TPP2: variants seen among roughly 807,000 people sequenced by gnomAD.
TPP2 encodes the protein tripeptidyl-peptidase 2.
In TPP2, 34 loss-of-function variants were observed where a neutral mutation model predicts 155.9. That is an observed-to-expected ratio of 0.22 (90% CI 0.17 to 0.29). TPP2 has a LOEUF of 0.29. Among genes scored for constraint, TPP2 ranks in the 10% least tolerant of loss-of-function variants. The pLI, the probability that TPP2 is intolerant of heterozygous loss-of-function variation, is 1.00. For missense variants in TPP2, 1,028 were observed against 1,522.3 expected (o/e 0.68, Z 5.40); for synonymous variants, 510 against 529.4 (o/e 0.96, Z 0.50).
chr13:102,616,301 A>G (rs1053369942), intron 3 of TPP2, 95 bp from the exon 4 acceptor site: 3 of 1,018,796 alleles, frequency 2.9e-6, no homozygotes, highest in Admixed American at 2.4e-5. Flanking sequence ...GTGTAGTATC[A>G]CAACTGTACC....
intron 25 of TPP2, 69 bp from the exon 26 acceptor site, chr13:102,663,579 A>G: frequency 1.8e-6 from 2 of 1,101,250 alleles, no homozygotes; most frequent in South Asian, 1.8e-5. Flanking sequence ...ACAATGTTAA[A>G]TAATAGAGAA....
At chr13:102,623,657 A>G (rs1175736973) in intron 6 of TPP2, among the ~76,000 whole-genome samples, 2 of 152,250 alleles carry the variant, frequency 1.3e-5, no homozygotes, top group Admixed American at 1.3e-4. Flanking sequence ...ACAGAGAATC[A>G]GATAAAAGAA....
At chr13:102,624,075 G>A (rs1881373779) in intron 6 of TPP2, among the ~76,000 whole-genome samples, 1 of 152,186 alleles carries the variant, frequency 6.6e-6, no homozygotes, top group East Asian at 1.9e-4. Flanking sequence ...AATGCTGTGT[G>A]TATAAACCCC....
intron 25 of TPP2, among the ~76,000 whole-genome samples, chr13:102,661,287 G>C (rs1466561598): frequency 8.0e-6 from 1 of 125,702 alleles, no homozygotes; most frequent in Admixed American, 9.2e-5. Context: ...GTCTCTCTCT[G>C]TCACCCAGGC....
intron 4 of TPP2, among the ~76,000 whole-genome samples, chr13:102,618,415 G>A (rs74112117): frequency 0.15 from 22,785 of 152,158 alleles, 2,048 homozygotes; most frequent in African/African-American, 0.25. Flanking sequence ...TATGTAACAA[G>A]CATATCTTGG....
rs980232773 is a variant in TPP2 at position 102,627,054 on chromosome 13, T to A, written c.827T>A (p.Phe276Tyr). The change falls in exon 7 of 30, where the codon TTT becomes TAT. Residue 276 changes from phenylalanine (F) to tyrosine (Y), a missense_variant. Phe to Tyr is a conservative substitution (Grantham distance 22, BLOSUM62 3). This residue lies in a region of TPP2 where 300 missense variants were observed against 398.3 expected (regional missense o/e 0.75). Transcript: ENST00000376052. ...GTAGCTAGTATAGCTGCTGGACACT[T>A]TCCAGAAGAACCTGAACGGAATGGG... ...THVASIAAGH[F>Y]PEEPERNGVA... The A allele has an allele frequency of 1.3e-5, 20 of 1,598,562 alleles. No individual in the cohort carries two copies. Among genetic ancestry groups the A allele is most frequent in the Non-Finnish European group, 1.6e-5 (19 of 1,172,488 alleles).
At chr13:102,623,074 A>T in intron 6 of TPP2, 34 bp downstream of exon 6, 1 of 1,589,358 alleles carries the variant, frequency 6.3e-7, no homozygotes, top group Non-Finnish European at 8.6e-7. Flanking sequence ...TGAGATATAG[A>T]TTTATGAGGT....
intron 12 of TPP2, among the ~76,000 whole-genome samples, 165 bp downstream of exon 12, chr13:102,635,867 GT>G (rs1882342071): frequency 6.6e-6 from 1 of 152,168 alleles, no homozygotes; most frequent in Admixed American, 6.5e-5. Context: ...AAATTTTGTA[GT>G]TAAGACAAAT....
Position 102,657,417 on chromosome 13 carries a change from T to G in TPP2, c.3143+210T>G, listed in dbSNP as rs542873707. Among the ~76,000 whole-genome samples, 3 of 151,916 alleles carry G rather than the reference T, an allele frequency of 2.0e-5. No individual in the cohort carries two copies. The East Asian group carries it at 5.8e-4, about 29-fold the overall frequency. ...ATTTTGTGATTAAATGTTTTAATTTTTATTTTAATCACTCTAATTTGTTCT... is the reference window on the plus strand; with the variant it reads ...ATTTTGTGATTAAATGTTTTAATTTGTATTTTAATCACTCTAATTTGTTCT... On this transcript the variant is annotated intron_variant, in intron 25 of 29. Transcript: ENST00000376052.
intron 12 of TPP2, among the ~76,000 whole-genome samples, chr13:102,635,918 A>G (rs934016399): frequency 6.6e-6 from 1 of 152,200 alleles, no homozygotes. Flanking sequence ...GATGGAGGCC[A>G]TGTAGAGGTT....
chr13:102,671,554 G>A (rs552343775), intron 27 of TPP2, among the ~76,000 whole-genome samples: 7 of 152,146 alleles, frequency 4.6e-5, no homozygotes, highest in African/African-American at 1.2e-4. Context: ...TAGCGGCTCC[G>A]TTTTCTTTAA....
chr13:102,597,030 C>T lies in TPP2; in HGVS notation c.-9C>T, dbSNP rs771680162. On this transcript the variant is annotated 5_prime_UTR_variant, in exon 1 of 30. Transcript: ENST00000376052. ...AGTTTGCCGCTTCCTCGTCCTCCATCCTGCGTCCATGGCCACCGCTGCGAC... is the reference window on the plus strand; with the variant it reads ...AGTTTGCCGCTTCCTCGTCCTCCATTCTGCGTCCATGGCCACCGCTGCGAC... 2.5e-6 allele frequency: 4 copies of T among 1,611,236 alleles called. No individual in the cohort carries two copies. Among genetic ancestry groups the T allele is most frequent in the Admixed American group, 3.3e-5 (2 of 59,994 alleles).
At chr13:102,670,581 G>C (rs529916597) in intron 27 of TPP2, among the ~76,000 whole-genome samples, 1 of 152,298 alleles carries the variant, frequency 6.6e-6, no homozygotes, top group Admixed American at 6.5e-5. Flanking sequence ...TCGTGGGTCT[G>C]TGCAATCCTG....
intron 16 of TPP2, among the ~76,000 whole-genome samples, chr13:102,642,101 T>C (rs1455108285): frequency 6.6e-6 from 1 of 152,242 alleles, no homozygotes; most frequent in Non-Finnish European, 1.5e-5. Flanking sequence ...CTAAATTTTC[T>C]GGACTTCTGT....
At chr13:102,611,113 G>A (rs1389215781) in intron 2 of TPP2, among the ~76,000 whole-genome samples, 2 of 152,104 alleles carry the variant, frequency 1.3e-5, no homozygotes, top group African/African-American at 4.8e-5. Flanking sequence ...CCTGAGACTT[G>A]CCCATGTTGT....
chr13:102,599,986 T>TAA (rs67928668), intron 1 of TPP2, among the ~76,000 whole-genome samples: 2 of 142,664 alleles, frequency 1.4e-5, no homozygotes, highest in Non-Finnish European at 3.1e-5. Flanking sequence ...TTAGATTCCT[T>TAA]AAAAAAAAAA....
chr13:102,614,503 G>A (rs1222177436), intron 3 of TPP2, among the ~76,000 whole-genome samples: 2 of 152,096 alleles, frequency 1.3e-5, no homozygotes, highest in Non-Finnish European at 2.9e-5. Context: ...ATTTTTGAAG[G>A]ACTTTTTTTT....
intron 9 of TPP2, 127 bp downstream of exon 9, chr13:102,629,736 A>G: frequency 7.8e-7 from 1 of 1,289,838 alleles, no homozygotes; most frequent in Non-Finnish European, 1.0e-6. Context: ...TCCTCAGGAA[A>G]CTTATAGTCT....
At chr13:102,625,714 A>G (rs1252585837) in intron 6 of TPP2, among the ~76,000 whole-genome samples, 1 of 152,252 alleles carries the variant, frequency 6.6e-6, no homozygotes, top group Non-Finnish European at 1.5e-5. Flanking sequence ...GTTTTCTTGC[A>G]TGACAGCAGC....
Sources: gnomAD v4.1 joint callset for allele counts (sites outside exome capture counted in the v4.1 genomes callset) on GRCh38, gnomAD v4.1.1 for gene constraint, gnomAD v4.1.1 regional missense constraint, MANE v1.5 for transcripts, NCBI Gene and HGNC (gene_info 2026-07-23, HGNC 2026-07-21) for gene names.